KCNJ3: variants seen among roughly 807,000 people sequenced by gnomAD.
KCNJ3 encodes the protein potassium inwardly rectifying channel subfamily J member 3, also known as G protein-activated inward rectifier potassium channel 1.
In KCNJ3, 4 loss-of-function variants were observed where a neutral mutation model predicts 39.2. That is an observed-to-expected ratio of 0.10 (90% confidence interval 0.05 to 0.23). KCNJ3 has a LOEUF of 0.23. Ranked by LOEUF, KCNJ3 falls within the 10% of genes least tolerant of loss-of-function variation. KCNJ3 has a pLI of 1.00. For missense variants in KCNJ3, 276 were observed against 634.9 expected, an observed-to-expected ratio of 0.43 and a Z score of 6.08; for synonymous variants, 230 against 237.4, an observed-to-expected ratio of 0.97 and a Z score of 0.29.
intron 1 of KCNJ3, among the ~76,000 whole-genome samples, chr2:154,703,450 G>T (rs550611661): frequency 2.5e-4 from 37 of 151,002 alleles, no homozygotes; most frequent in Admixed American, 1.4e-3. Flanking sequence ...TGTTATTTTT[G>T]TGCTCACCTT....
intron 2 of KCNJ3, among the ~76,000 whole-genome samples, chr2:154,839,334 T>TTGA (rs1474461027): frequency 6.6e-6 from 1 of 152,268 alleles, no homozygotes; most frequent in Non-Finnish European, 1.5e-5. Flanking sequence ...CAGTCTATCA[T>TTGA]TGATGGACAT....
chr2:154,708,871 T>C (rs1685057359), intron 1 of KCNJ3, among the ~76,000 whole-genome samples: 2 of 152,166 alleles, frequency 1.3e-5, no homozygotes. Flanking sequence ...CTTTTTGAAA[T>C]TGCATTTTGA....
chr2:154,811,644 A>G (rs1014669118), intron 2 of KCNJ3, among the ~76,000 whole-genome samples: 2 of 152,088 alleles, frequency 1.3e-5, no homozygotes, highest in Non-Finnish European at 2.9e-5. Flanking sequence ...GTCCCTATCA[A>G]TTCATGAGCC....
chr2:154,817,655 T>C (rs1182512224), intron 2 of KCNJ3, among the ~76,000 whole-genome samples: 1 of 152,176 alleles, frequency 6.6e-6, no homozygotes, highest in African/African-American at 2.4e-5. Context: ...CCATTTTTGA[T>C]TATTTTGTCT....
chr2:154,710,274 CCT>C (rs1685079646), intron 2 of KCNJ3, among the ~76,000 whole-genome samples: 1 of 151,906 alleles, frequency 6.6e-6, no homozygotes, highest in Admixed American at 6.6e-5. Context: ...TGGAAAATTC[CCT>C]GTGTGTGTGT....
intron 2 of KCNJ3, among the ~76,000 whole-genome samples, chr2:154,800,788 C>T (rs1346200828): frequency 2.0e-5 from 3 of 152,114 alleles, no homozygotes; most frequent in Admixed American, 2.0e-4. Context: ...TTTGTCACTG[C>T]TGTGCTGTTC....
Position 154,852,957 on chromosome 2 carries a change from G to C in KCNJ3, c.920-1770G>C, listed in dbSNP as rs185700991. ...AAAATATTAGAGACATTACGGCAAA[G>C]TAAAATAACAACAATTTAAAAAAAA... On this transcript the variant is annotated intron_variant, in intron 2 of 2. Coordinates refer to ENST00000295101, the MANE Select transcript of KCNJ3 (RefSeq NM_002239.4). Among the ~76,000 whole-genome samples the C allele has an allele frequency of 2.6e-3, 392 of 151,966 alleles. 1 individual carries two copies. The highest frequency in any genetic ancestry group is 9.2e-3 in the African/African-American group (380 of 41,486).
intron 2 of KCNJ3, among the ~76,000 whole-genome samples, chr2:154,743,858 G>T (rs541171808): frequency 3.3e-5 from 5 of 151,214 alleles, no homozygotes; most frequent in Non-Finnish European, 5.9e-5. Context: ...GTGGAGTCTT[G>T]AACTTCCAGC....
chr2:154,782,864 T>C (rs1219811497), intron 2 of KCNJ3, among the ~76,000 whole-genome samples: 3 of 151,990 alleles, frequency 2.0e-5, no homozygotes, highest in Admixed American at 6.6e-5. Flanking sequence ...AGCCAAGAGC[T>C]CTGAATTTAA....
rs1411046706 is a variant in KCNJ3 at position 154,858,057 on chromosome 2, T to C, written c.*2744T>C. ...TCTATCTCATGAGAAAGTGCTACTGTTGTCAAAATTACCTTATCTGAGTGA... is the reference window on the plus strand; with the variant it reads ...TCTATCTCATGAGAAAGTGCTACTGCTGTCAAAATTACCTTATCTGAGTGA... On this transcript the variant is annotated 3_prime_UTR_variant, in exon 3 of 3. Coordinates refer to ENST00000295101, the MANE Select transcript of KCNJ3 (RefSeq NM_002239.4). 6.6e-6 allele frequency: 1 copy of C among 152,072 alleles called. No individual in the cohort carries two copies. Among genetic ancestry groups the C allele is most frequent in the Non-Finnish European group, 1.5e-5 (1 of 68,012 alleles). 9.4% of individuals were successfully genotyped at this position (152,072 alleles called of 1,614,324 possible).
At chr2:154,713,423 T>G (rs1188912788) in intron 2 of KCNJ3, among the ~76,000 whole-genome samples, 1 of 152,118 alleles carries the variant, frequency 6.6e-6, no homozygotes, top group Non-Finnish European at 1.5e-5. Flanking sequence ...GTGCCGGTGG[T>G]AAGAATCTTC....
At chr2:154,789,066 T>G (rs1252577314) in intron 2 of KCNJ3, among the ~76,000 whole-genome samples, 1 of 152,114 alleles carries the variant, frequency 6.6e-6, no homozygotes, top group Non-Finnish European at 1.5e-5. Flanking sequence ...TTTTTGATAT[T>G]ATAGATTGTC....
Position 154,855,066 on chromosome 2 carries a change from G to A in KCNJ3, c.1259G>A (p.Ser420Asn), listed in dbSNP as rs777673419. The A allele has an allele frequency of 6.2e-7, 1 of 1,613,952 alleles. No individual in the cohort carries two copies. The highest frequency in any genetic ancestry group is 1.3e-5 in the African/African-American group (1 of 74,926). Residue 420 changes from serine to asparagine, a missense_variant, in exon 3 of 3, where the codon AGT becomes AAT. By Grantham distance (46) the Ser-to-Asn change is conservative. This residue lies in a region of KCNJ3 where 126 missense variants were observed against 179.8 expected (regional missense o/e 0.70). Coordinates refer to ENST00000295101, the MANE Select transcript of KCNJ3 (RefSeq NM_002239.4). ...EDFPKKLLRM[S>N]STTSEKAYSL... ...TTTCCCAAAAAACTCTTGAGGATGA[G>A]TTCTACAACTTCAGAAAAAGCCTAC...
At chr2:154,814,039 C>T (rs554891843) in intron 2 of KCNJ3, among the ~76,000 whole-genome samples, 29 of 152,310 alleles carry the variant, frequency 1.9e-4, no homozygotes, top group Non-Finnish European at 3.7e-4. Flanking sequence ...CTACACTTCT[C>T]CAACAATGTC....
intron 2 of KCNJ3, among the ~76,000 whole-genome samples, chr2:154,754,646 G>C (rs998119288): frequency 6.6e-6 from 1 of 152,074 alleles, no homozygotes; most frequent in Admixed American, 6.6e-5. Flanking sequence ...ATTTGAGTTG[G>C]AACTATTTTA....
At chr2:154,831,445 G>A (rs1300955777) in intron 2 of KCNJ3, among the ~76,000 whole-genome samples, 3 of 152,126 alleles carry the variant, frequency 2.0e-5, no homozygotes, top group Non-Finnish European at 2.9e-5. Flanking sequence ...TGAAAGAGAA[G>A]AAGGGCGATT....
chr2:154,807,568 T>C (rs1558879296), intron 2 of KCNJ3, among the ~76,000 whole-genome samples: 1 of 152,188 alleles, frequency 6.6e-6, no homozygotes, highest in Non-Finnish European at 1.5e-5. Flanking sequence ...AGGTGGCATT[T>C]ATCTATCCCA....
chr2:154,721,555 T>C (rs1244217730), intron 2 of KCNJ3, among the ~76,000 whole-genome samples: 1 of 152,094 alleles, frequency 6.6e-6, no homozygotes, highest in African/African-American at 2.4e-5. Context: ...ATAAGCTTGG[T>C]AAAATCTAAC....
At position 154,805,737 on chromosome 2, in the gene KCNJ3, C is replaced by G. The variant is rs185209714; in HGVS notation, c.920-48990C>G. On this transcript the variant is annotated intron_variant, in intron 2 of 2. Coordinates refer to ENST00000295101, the MANE Select transcript of KCNJ3 (RefSeq NM_002239.4). ...ATTAAATCTCTAGTTTAAGAATGTG[C>G]ATATATCACACAAAATTAAAAAGAA... Among the ~76,000 whole-genome samples the G allele has an allele frequency of 2.0e-5, 3 of 152,082 alleles. No individual in the cohort carries two copies. In the East Asian group the frequency reaches 5.8e-4, roughly 29 times the overall value.
Sources: gnomAD v4.1 joint callset for allele counts (sites outside exome capture counted in the v4.1 genomes callset) on GRCh38, gnomAD v4.1.1 for gene constraint, gnomAD v4.1.1 regional missense constraint, MANE v1.5 for transcripts, NCBI Gene and HGNC (gene_info 2026-07-23, HGNC 2026-07-21) for gene names.